The following CALD1 variants were observed in gnomAD, a reference collection of about 807,000 sequenced individuals.
CALD1 encodes the protein caldesmon 1, also known as caldesmon.
In CALD1, 33 loss-of-function variants were observed where a neutral mutation model predicts 99.9. The observed-to-expected ratio is 0.33, with a 90% CI of 0.25 to 0.44. The LOEUF is 0.44. Among genes scored for constraint, CALD1 ranks in the 20% least tolerant of loss-of-function variants. The probability of loss-of-function intolerance (pLI) is 1.00; values close to 1 mark genes in which losing one functional copy is unlikely to be tolerated. For synonymous variants in CALD1, 310 were observed against 325.0 expected (o/e 0.95, Z 0.50); for missense variants, 861 against 962.1 (o/e 0.89, Z 1.39).
chr7:134,827,466 C>G (rs1195244941), intron 1 of CALD1, among the ~76,000 whole-genome samples: 2 of 152,236 alleles, frequency 1.3e-5, no homozygotes, highest in African/African-American at 4.8e-5. Flanking sequence ...ATTTCCCTCT[C>G]ACAACAACCA....
chr7:134,750,736 C>A (rs1014752856), intron 1 of CALD1, among the ~76,000 whole-genome samples: 2 of 145,896 alleles, frequency 1.4e-5, no homozygotes, highest in Non-Finnish European at 3.0e-5. Flanking sequence ...ATTACCAATT[C>A]TATACATTAC....
intron 3 of CALD1, among the ~76,000 whole-genome samples, chr7:134,893,629 C>T (rs1435617538): frequency 6.6e-6 from 1 of 152,152 alleles, no homozygotes; most frequent in East Asian, 1.9e-4. Context: ...TGTTTCTGAC[C>T]TCCTTTCTGT....
chr7:134,892,536 TC>T (rs893228580), intron 3 of CALD1, among the ~76,000 whole-genome samples: 35 of 152,276 alleles, frequency 2.3e-4, no homozygotes, highest in African/African-American at 8.4e-4. Flanking sequence ...TTCCAGTTGT[TC>T]CAGCGTTTGT....
chr7:134,876,991 G>A (rs1377590477), intron 3 of CALD1, among the ~76,000 whole-genome samples: 1 of 152,156 alleles, frequency 6.6e-6, no homozygotes, highest in Non-Finnish European at 1.5e-5. Context: ...CAAAATGGTT[G>A]TTCTACTCCG....
At chr7:134,885,239 G>A (rs1280111875) in intron 3 of CALD1, among the ~76,000 whole-genome samples, 1 of 152,066 alleles carries the variant, frequency 6.6e-6, no homozygotes, top group African/African-American at 2.4e-5. Flanking sequence ...GGCACCATAC[G>A]TTTATTTCTA....
chr7:134,717,467 G>A, the CALD1 span, among the ~76,000 whole-genome samples: 9 of 152,158 alleles, frequency 5.9e-5, no homozygotes, highest in Non-Finnish European at 1.2e-4. Context: ...TCAACACATC[G>A]CATTTCATGC....
chr7:134,861,377 C>T (rs1800557260), intron 2 of CALD1, among the ~76,000 whole-genome samples: 5 of 152,134 alleles, frequency 3.3e-5, no homozygotes, highest in Admixed American at 3.3e-4. Flanking sequence ...CAGAAATCAC[C>T]CAATACCTGT....
intron 1 of CALD1, among the ~76,000 whole-genome samples, chr7:134,828,439 A>G (rs1799091051): frequency 6.6e-6 from 1 of 152,196 alleles, no homozygotes; most frequent in African/African-American, 2.4e-5. Context: ...GAAAGACTCA[A>G]TCAATTTTTT....
At chr7:134,743,172 ATC>A (rs1469016943), upstream of CALD1, among the ~76,000 whole-genome samples, 1 of 152,188 alleles carries the variant, frequency 6.6e-6, no homozygotes, top group Non-Finnish European at 1.5e-5. Context: ...AAACTTGGGG[ATC>A]AGCCCCCTTG....
In CALD1 at chr7:134,891,784, G is replaced by GGAGAGGAGGA. The variant is rs1802214799; in HGVS notation, c.71+23983_71+23992dup. 6 of 780,558 alleles carry GGAGAGGAGGA rather than the reference G, an allele frequency of 7.7e-6. No individual in the cohort carries two copies. The African/African-American group carries it at 1.0e-4, about 13-fold the overall frequency. 48.4% of individuals were successfully genotyped at this position (780,558 alleles called of 1,614,324 possible). ...AAAAAAAAAATGTGGGAGTGGGAGG[G>GGAGAGGAGGA]GAGAGGAGGAGACACCAGGCAGGAA... is the stretch of plus-strand genomic sequence containing the variant. On this transcript the variant is annotated intron_variant, in intron 3 of 14. Transcript: ENST00000361675.
At chr7:134,873,500 C>T (rs1021439938) in intron 3 of CALD1, among the ~76,000 whole-genome samples, 1 of 152,186 alleles carries the variant, frequency 6.6e-6, no homozygotes, top group Admixed American at 6.5e-5. Flanking sequence ...TCTTCCTGTT[C>T]AGCAAGTATA....
chr7:134,861,896 G>T (rs151189440), intron 2 of CALD1, among the ~76,000 whole-genome samples: 3 of 152,322 alleles, frequency 2.0e-5, no homozygotes, highest in African/African-American at 7.2e-5. Flanking sequence ...AGAGGAGGAA[G>T]ATGTGTAATG....
intron 1 of CALD1, among the ~76,000 whole-genome samples, chr7:134,751,348 A>C (rs6973872): frequency 0.24 from 36,662 of 152,066 alleles, 5,144 homozygotes; most frequent in African/African-American, 0.39. Flanking sequence ...TCTGTCTTCC[A>C]ATATTTTGGG....
intron 1 of CALD1, among the ~76,000 whole-genome samples, chr7:134,808,472 G>A (rs1798235604): frequency 2.0e-5 from 3 of 152,024 alleles, no homozygotes; most frequent in Admixed American, 2.0e-4. Context: ...CCACTCCCTG[G>A]CAAAAGTTAC....
At chr7:134,862,472 A>G (rs1049132862) in intron 2 of CALD1, among the ~76,000 whole-genome samples, 1 of 152,196 alleles carries the variant, frequency 6.6e-6, no homozygotes. Context: ...AGAAAAGGCT[A>G]CAGACATACT....
At chr7:134,812,789 GT>G (rs1383016777) in intron 1 of CALD1, among the ~76,000 whole-genome samples, 1 of 152,188 alleles carries the variant, frequency 6.6e-6, no homozygotes, top group African/African-American at 2.4e-5. Flanking sequence ...CAAGTCTGGG[GT>G]TCAGGGAAGA....
At chr7:134,854,941 T>A (rs1800234480) in intron 2 of CALD1, among the ~76,000 whole-genome samples, 1 of 152,160 alleles carries the variant, frequency 6.6e-6, no homozygotes, top group South Asian at 2.1e-4. Context: ...ACTGAGTGAG[T>A]TCTCACAAGT....
At position 134,935,699 on chromosome 7, in the gene CALD1, G is replaced by A; in HGVS notation, c.1320G>A (p.Lys440=). 1 of 1,604,098 alleles carries A rather than the reference G, an allele frequency of 6.2e-7. No individual in the cohort carries two copies. Among genetic ancestry groups the A allele is most frequent in the Non-Finnish European group, 8.5e-7 (1 of 1,175,800 alleles). ...TTGAAAATAAAAAGGGAGAAGAGAA[G>A]GGAACTAAAGTGCAAGCTAAAAGAG... ...TAVLKKQGEE[K]GTKVQAKREK... The change falls in exon 6 of 15, where the codon AAG becomes AAA. Residue 440 remains lysine, a synonymous_variant. Transcript: ENST00000361675.
chr7:134,822,789 T>C (rs888977496), intron 1 of CALD1, among the ~76,000 whole-genome samples: 35 of 152,224 alleles, frequency 2.3e-4, no homozygotes, highest in African/African-American at 7.2e-4. Flanking sequence ...TTTTCATTCA[T>C]TGCATTTTTC....
Sources: gnomAD v4.1 joint callset for allele counts (sites outside exome capture counted in the v4.1 genomes callset) on GRCh38, gnomAD v4.1.1 for gene constraint, MANE v1.5 for transcripts, NCBI Gene and HGNC (gene_info 2026-07-23, HGNC 2026-07-21) for gene names.